KYNU: variants seen among roughly 807,000 people sequenced by gnomAD.
The protein encoded by KYNU is kynureninase, also known as L-kynurenine hydrolase.
In KYNU, 54 loss-of-function variants were observed where a neutral mutation model predicts 59.2. The ratio of observed to expected loss-of-function variants is 0.91; its 90% confidence interval spans 0.73 to 1.14. The LOEUF (loss-of-function observed/expected upper bound fraction) is 1.14, where lower values mean the gene tolerates loss of function less well. KYNU is among the 50% of genes most tolerant of loss of function. The pLI, the probability that KYNU is intolerant of heterozygous loss-of-function variation, is 0.00. For synonymous variants in KYNU, 177 were observed against 192.0 expected (o/e 0.92, Z 0.65); for missense variants, 567 against 554.4 (o/e 1.02, Z -0.23).
At chr2:142,906,999 C>T (rs1385970348) in intron 2 of KYNU, among the ~76,000 whole-genome samples, 3 of 152,172 alleles carry the variant, frequency 2.0e-5, no homozygotes, top group African/African-American at 2.4e-5. Context: ...CCATGCTAAT[C>T]GTTTTTAACC....
At chr2:142,951,682 C>T (rs1157858138) in intron 4 of KYNU, among the ~76,000 whole-genome samples, 1 of 152,192 alleles carries the variant, frequency 6.6e-6, no homozygotes, top group Non-Finnish European at 1.5e-5. Context: ...ATTTGCACCA[C>T]CCCCAGTTAT....
chr2:143,028,243 C>CTTTTTTTTT lies in KYNU; in HGVS notation c.903-1372_903-1364dup, dbSNP rs754504556. ...TTTTATGTCTGGCTTATTTTACATT[C>CTTTTTTTTT]TTTTTTTTTTTTTTTTTTTTGAGAT... On this transcript the variant is annotated intron_variant, in intron 10 of 13. Coordinates refer to ENST00000264170, the MANE Select transcript of KYNU (RefSeq NM_003937.3). Among the ~76,000 whole-genome samples the CTTTTTTTTT allele has an allele frequency of 1.2e-3, 107 of 90,416 alleles. 1 individual carries two copies. Among genetic ancestry groups the CTTTTTTTTT allele is most frequent in the Admixed American group, 1.5e-3 (9 of 5,916 alleles). The allele number at this position is 90,416 out of a possible 152,430, so 59.3% of individuals were successfully genotyped here.
At chr2:142,979,886 C>G (rs1685002287) in intron 8 of KYNU, among the ~76,000 whole-genome samples, 1 of 152,068 alleles carries the variant, frequency 6.6e-6, no homozygotes, top group Admixed American at 6.5e-5. Context: ...AGAAAGGATT[C>G]AAGGTGAGTC....
chr2:142,979,086 A>T (rs1393810042), intron 8 of KYNU, among the ~76,000 whole-genome samples: 7 of 152,170 alleles, frequency 4.6e-5, no homozygotes, highest in Admixed American at 1.3e-4. Flanking sequence ...GTATCATATT[A>T]TTTCACTAAT....
chr2:142,939,310 A>T (rs80325283), intron 4 of KYNU, among the ~76,000 whole-genome samples: 1 of 152,198 alleles, frequency 6.6e-6, no homozygotes, highest in Non-Finnish European at 1.5e-5. Context: ...CTAGTTTAAG[A>T]TAACAGATTG....
intron 12 of KYNU, among the ~76,000 whole-genome samples, chr2:143,035,672 C>T (rs1404850086): frequency 6.6e-6 from 1 of 152,172 alleles, no homozygotes; most frequent in Non-Finnish European, 1.5e-5. Context: ...CTTAGCATGG[C>T]CTCAAACTCC....
intron 2 of KYNU, among the ~76,000 whole-genome samples, chr2:142,906,182 C>T (rs770871398): frequency 1.3e-5 from 2 of 152,162 alleles, no homozygotes; most frequent in Non-Finnish European, 2.9e-5. Context: ...CCCCATTTGC[C>T]ACTATAGGAA....
intron 2 of KYNU, among the ~76,000 whole-genome samples, chr2:142,901,688 C>G (rs1297067681): frequency 6.6e-6 from 1 of 152,016 alleles, no homozygotes; most frequent in African/African-American, 2.4e-5. Flanking sequence ...TGTATATTTA[C>G]CCTTTTCCCT....
chr2:142,891,133 C>G (rs1184845281), intron 2 of KYNU, among the ~76,000 whole-genome samples: 4 of 152,112 alleles, frequency 2.6e-5, no homozygotes, highest in African/African-American at 9.7e-5. Flanking sequence ...CCTGCTTTTA[C>G]TTTTTTAAAA....
At chr2:142,995,147 A>C (rs1317228661) in intron 10 of KYNU, among the ~76,000 whole-genome samples, 1 of 152,142 alleles carries the variant, frequency 6.6e-6, no homozygotes, top group African/African-American at 2.4e-5. Flanking sequence ...AAGTATATTC[A>C]GAAAATGTTC....
rs1031518709 is a variant in KYNU at position 142,920,379 on chromosome 2, A to G, written c.290+1650A>G. Among the ~76,000 whole-genome samples, 3 of 152,334 alleles carry G rather than the reference A, an allele frequency of 2.0e-5. No individual in the cohort carries two copies. The South Asian group carries it at 6.2e-4, about 32-fold the overall frequency. On this transcript the variant is annotated intron_variant, in intron 3 of 13. Transcript: ENST00000264170. ...TAAGAGAGGGCAGATAATTAGATTG[A>G]ATGAATTTGAACTTTATAGAGTGTC... is the stretch of plus-strand genomic sequence containing the variant.
At chr2:142,888,242 G>A (rs774629909) in intron 2 of KYNU, among the ~76,000 whole-genome samples, 8 of 152,154 alleles carry the variant, frequency 5.3e-5, no homozygotes, top group Admixed American at 2.6e-4. Context: ...AGGATCACTT[G>A]AGTCTAGAAG....
At chr2:142,916,898 CT>C (rs1377430763) in intron 2 of KYNU, among the ~76,000 whole-genome samples, 1 of 152,128 alleles carries the variant, frequency 6.6e-6, no homozygotes, top group Non-Finnish European at 1.5e-5. Flanking sequence ...AAGGAAAGTT[CT>C]AGTAAGCTCC....
intron 8 of KYNU, among the ~76,000 whole-genome samples, chr2:142,983,167 G>A (rs1250673068): frequency 1.3e-5 from 2 of 151,056 alleles, no homozygotes; most frequent in Admixed American, 6.6e-5. Flanking sequence ...ACTGCAAGGG[G>A]TGAGGAGGGC....
chr2:142,968,060 A>G (rs1365409821), intron 8 of KYNU, among the ~76,000 whole-genome samples: 1 of 152,206 alleles, frequency 6.6e-6, no homozygotes, highest in East Asian at 1.9e-4. Context: ...ACATTTTGCT[A>G]TTGTCACTGG....
chr2:142,989,233 G>A, intron 10 of KYNU: 1 of 323,874 alleles, frequency 3.1e-6, no homozygotes, highest in Non-Finnish European at 5.0e-6. Context: ...TATGACTACT[G>A]ACTCTATTTG....
chr2:142,927,003 A>T (rs1296461083), intron 3 of KYNU, among the ~76,000 whole-genome samples: 1 of 152,164 alleles, frequency 6.6e-6, no homozygotes, highest in African/African-American at 2.4e-5. Flanking sequence ...TGCCTTCTTC[A>T]TTTCATGGAA....
intron 10 of KYNU, among the ~76,000 whole-genome samples, chr2:143,026,630 G>C (rs1686572974): frequency 6.6e-6 from 1 of 152,334 alleles, no homozygotes; most frequent in Admixed American, 6.5e-5. Flanking sequence ...CCACACTTTA[G>C]AACCGGCAGG....
At position 143,043,030 on chromosome 2, in the gene KYNU, G is replaced by A. The variant is rs1687101331; in HGVS notation, c.*858G>A. ...TCTATTTTATCTCATAAGAAATGTT[G>A]GAAACTCATTATATTGATTTCCTTA... On this transcript the variant is annotated 3_prime_UTR_variant, in exon 14 of 14. Coordinates refer to ENST00000264170, the MANE Select transcript of KYNU (RefSeq NM_003937.3). 1 of 151,636 alleles carries A rather than the reference G, an allele frequency of 6.6e-6. No homozygotes were observed. The highest frequency in any genetic ancestry group is 2.1e-4 in the South Asian group (1 of 4,816). The allele number at this position is 151,636 out of a possible 1,614,324, so 9.4% of individuals were successfully genotyped here.
Sources: gnomAD v4.1 joint callset for allele counts (sites outside exome capture counted in the v4.1 genomes callset) on GRCh38, gnomAD v4.1.1 for gene constraint, MANE v1.5 for transcripts, NCBI Gene and HGNC (gene_info 2026-07-23, HGNC 2026-07-21) for gene names.